Variants in GRIK4 observed in about 807,000 individuals in gnomAD.
GRIK4 encodes the protein glutamate receptor ionotropic, kainate 4.
A neutral mutation model predicts 104.9 loss-of-function variants in GRIK4; 40 were observed. The ratio of observed to expected loss-of-function variants is 0.38; its 90% CI spans 0.30 to 0.50. The LOEUF is 0.50. Ranked by LOEUF, GRIK4 falls within the 20% of genes least tolerant of loss-of-function variation. GRIK4 has a pLI of 0.93. For missense variants in GRIK4, 1,047 were observed against 1,308.1 expected (o/e 0.80, Z 3.08); for synonymous variants, 485 against 524.9 (o/e 0.92, Z 1.04).
intron 6 of GRIK4, among the ~76,000 whole-genome samples, chr11:120,830,046 C>G (rs1406511058): frequency 6.6e-6 from 1 of 152,156 alleles, no homozygotes; most frequent in Non-Finnish European, 1.5e-5. Flanking sequence ...GGCTTCTTCC[C>G]AACCTGCCAC....
intron 13 of GRIK4, among the ~76,000 whole-genome samples, chr11:120,929,095 C>A (rs1393644374): frequency 6.6e-6 from 1 of 151,934 alleles, no homozygotes; most frequent in Non-Finnish European, 1.5e-5. Flanking sequence ...TCCTTTATTC[C>A]CTGATCTTTG....
chr11:120,984,570 C>G (rs1444327641), intron 20 of GRIK4, among the ~76,000 whole-genome samples: 1 of 152,036 alleles, frequency 6.6e-6, no homozygotes, highest in Non-Finnish European at 1.5e-5. Context: ...AGTTCAAGAC[C>G]AGCCTGGCCA....
chr11:120,611,129 A>G (rs1949032838), intron 1 of GRIK4, among the ~76,000 whole-genome samples: 1 of 152,150 alleles, frequency 6.6e-6, no homozygotes, highest in Admixed American at 6.5e-5. Context: ...ATTGGGGTGC[A>G]GAGATCTAGG....
intron 3 of GRIK4, among the ~76,000 whole-genome samples, chr11:120,671,419 A>G (rs1367325124): frequency 6.6e-6 from 1 of 152,164 alleles, no homozygotes; most frequent in Non-Finnish European, 1.5e-5. Context: ...ATGATATCTC[A>G]TTGTGGATTT....
chr11:120,529,923 G>A (rs57720932), intron 1 of GRIK4, among the ~76,000 whole-genome samples: 4,722 of 152,280 alleles, frequency 0.031, 240 homozygotes, highest in African/African-American at 0.11. Flanking sequence ...GGCATGCCCC[G>A]AGTCACACAG....
At chr11:120,627,725 C>T (rs1374829253) in intron 1 of GRIK4, among the ~76,000 whole-genome samples, 1 of 151,820 alleles carries the variant, frequency 6.6e-6, no homozygotes, top group East Asian at 1.9e-4. Context: ...TGGACCTCTG[C>T]ACGAGGGCCT....
At chr11:120,848,856 G>A (rs990315355) in intron 8 of GRIK4, among the ~76,000 whole-genome samples, 1 of 152,114 alleles carries the variant, frequency 6.6e-6, no homozygotes, top group African/African-American at 2.4e-5. Context: ...TGAGGCAGGA[G>A]TTGCCAGATA....
intron 1 of GRIK4, among the ~76,000 whole-genome samples, chr11:120,517,446 C>T (rs916621861): frequency 6.1e-5 from 9 of 148,536 alleles, no homozygotes; most frequent in African/African-American, 2.3e-4. Context: ...GCATCGTTTG[C>T]CCCAGGGAGG....
intron 13 of GRIK4, among the ~76,000 whole-genome samples, chr11:120,931,869 A>G (rs775589571): frequency 3.9e-5 from 6 of 152,156 alleles, no homozygotes; most frequent in Admixed American, 6.5e-5. Flanking sequence ...CTGCCTCTCC[A>G]GCCTCATCTT....
chr11:120,864,203 ATTTTTATTTATT>A (rs991347234), intron 9 of GRIK4, among the ~76,000 whole-genome samples: 1 of 139,486 alleles, frequency 7.2e-6, no homozygotes, highest in African/African-American at 2.7e-5. Flanking sequence ...CAGTATTTTT[ATTTTTATTTATT>A]TATTTATTTA....
chr11:120,788,500 C>T (rs1952333255), intron 3 of GRIK4, among the ~76,000 whole-genome samples: 1 of 152,116 alleles, frequency 6.6e-6, no homozygotes, highest in South Asian at 2.1e-4. Flanking sequence ...TTCAGGGAGG[C>T]TGGTAAGTGT....
chr11:120,688,172 A>T (rs1033510844), intron 3 of GRIK4, among the ~76,000 whole-genome samples: 1 of 152,066 alleles, frequency 6.6e-6, no homozygotes, highest in East Asian at 1.9e-4. Context: ...TCACCTCTTC[A>T]CACTTTCCCC....
At chr11:120,708,289 T>G (rs891907480) in intron 3 of GRIK4, among the ~76,000 whole-genome samples, 2 of 152,140 alleles carry the variant, frequency 1.3e-5, no homozygotes, top group Non-Finnish European at 2.9e-5. Context: ...CTGATGTGTT[T>G]CTACCCTGGG....
intron 3 of GRIK4, among the ~76,000 whole-genome samples, chr11:120,734,998 G>T (rs940866789): frequency 6.6e-6 from 1 of 152,068 alleles, no homozygotes; most frequent in Non-Finnish European, 1.5e-5. Flanking sequence ...GAATTTCTTT[G>T]AGTTTCCTCA....
chr11:120,809,239 A>T (rs1347767981), intron 4 of GRIK4, among the ~76,000 whole-genome samples: 1 of 152,116 alleles, frequency 6.6e-6, no homozygotes, highest in Non-Finnish European at 1.5e-5. Context: ...ACATTTTGAG[A>T]TGAAGAAGTC....
In GRIK4 at chr11:120,704,700, A is replaced by C. The variant is rs981208733; in HGVS notation, c.82+44300A>C. Among the ~76,000 whole-genome samples the C allele has an allele frequency of 1.2e-4, 18 of 151,654 alleles. 1 individual carries two copies. The highest frequency in any genetic ancestry group is 1.2e-3 in the Admixed American group (18 of 15,230). Reference sequence around the variant, plus strand: ...ATGAAGGAATGAACACAGGTGGGGCATGGGAAGCAATATTGTACAACATAA... The same window carrying C: ...ATGAAGGAATGAACACAGGTGGGGCCTGGGAAGCAATATTGTACAACATAA... On this transcript the variant is annotated intron_variant, in intron 3 of 20. Transcript: ENST00000527524.
At chr11:120,621,712 C>A (rs902248636) in intron 1 of GRIK4, among the ~76,000 whole-genome samples, 2 of 151,996 alleles carry the variant, frequency 1.3e-5, no homozygotes, top group East Asian at 1.9e-4. Flanking sequence ...GTTCTTTGGG[C>A]CTTATTTTCT....
At chr11:120,793,488 T>C (rs1467800122) in intron 3 of GRIK4, among the ~76,000 whole-genome samples, 2 of 152,230 alleles carry the variant, frequency 1.3e-5, no homozygotes, top group East Asian at 1.9e-4. Context: ...GAGCCCTCGT[T>C]ACCTGAGCTT....
intron 1 of GRIK4, among the ~76,000 whole-genome samples, chr11:120,541,243 A>C (rs917895192): frequency 2.6e-5 from 4 of 152,252 alleles, no homozygotes; most frequent in Non-Finnish European, 5.9e-5. Context: ...CCCTCAGAGC[A>C]GAGCTGATTG....
Sources: gnomAD v4.1 joint callset for allele counts (sites outside exome capture counted in the v4.1 genomes callset) on GRCh38, gnomAD v4.1.1 for gene constraint, MANE v1.5 for transcripts, NCBI Gene and HGNC (gene_info 2026-07-23, HGNC 2026-07-21) for gene names.